The following ARHGAP6 variants were observed in gnomAD, a reference collection of about 807,000 sequenced individuals.
ARHGAP6 encodes Rho GTPase activating protein 6.
Under a neutral mutation model 55.7 loss-of-function variants are expected in ARHGAP6, and 16 were observed. The ratio of observed to expected loss-of-function variants is 0.29; its 90% CI spans 0.19 to 0.44. The LOEUF (loss-of-function observed/expected upper bound fraction) is 0.44, where lower values mean the gene tolerates loss of function less well. Ranked by LOEUF, ARHGAP6 falls within the 20% of genes least tolerant of loss-of-function variation. The pLI, the probability that ARHGAP6 is intolerant of heterozygous loss-of-function variation, is 1.00. For synonymous variants in ARHGAP6, 382 were observed against 360.9 expected, an observed-to-expected ratio of 1.06 and a Z score of -0.66; for missense variants, 698 against 808.9, an observed-to-expected ratio of 0.86 and a Z score of 1.66.
At position 11,657,878 on chromosome X, in the gene ARHGAP6, G is replaced by A. The variant is rs746185682; in HGVS notation, c.588+6363C>T. On this transcript the variant is annotated intron_variant, in intron 1 of 12. Coordinates refer to ENST00000337414, the MANE Select transcript of ARHGAP6 (RefSeq NM_013427.3). ...GTGTGATGGGGATAGGAGGAGCAGG[G>A]AGGGGACGTGGTACTCTCAGTTTTG... Among the ~76,000 whole-genome samples the A allele has an allele frequency of 6.3e-5, 7 of 111,892 alleles. No individual in the cohort carries two copies. The East Asian group carries it at 2.0e-3, about 32-fold the overall frequency.
In ARHGAP6 at chrX:11,423,592, G is replaced by A. The variant is rs143412333; in HGVS notation, c.589-168885C>T. Reference sequence around the variant, plus strand: ...CTAGACCAGTACAAGGAAGGAGAATGAGCAGCTTAGGACCTCAAAAACTAG... The same window carrying A: ...CTAGACCAGTACAAGGAAGGAGAATAAGCAGCTTAGGACCTCAAAAACTAG... On this transcript the variant is annotated intron_variant, in intron 1 of 12. Coordinates refer to ENST00000337414, the MANE Select transcript of ARHGAP6 (RefSeq NM_013427.3). Among the ~76,000 whole-genome samples, 948 of 112,272 alleles carry A rather than the reference G, an allele frequency of 8.4e-3. 4 individuals carry two copies. Among genetic ancestry groups the A allele is most frequent in the Non-Finnish European group, 0.014 (765 of 53,232 alleles).
intron 2 of ARHGAP6, among the ~76,000 whole-genome samples, chrX:11,250,326 C>T (rs2047406619): frequency 8.9e-6 from 1 of 112,051 alleles, no homozygotes; most frequent in South Asian, 3.7e-4. Flanking sequence ...TGAATTACTT[C>T]CTAATTTCCT....
intron 2 of ARHGAP6, among the ~76,000 whole-genome samples, chrX:11,235,408 T>C: frequency 9.0e-6 from 1 of 111,162 alleles, no homozygotes; most frequent in East Asian, 2.9e-4. Context: ...TTTTCCCTCC[T>C]AGGCCTTTGG....
At position 11,188,739 on chromosome X, in the gene ARHGAP6, C is replaced by A. The variant is rs762744681; in HGVS notation, c.1066G>T (p.Ala356Ser). ...SPNTPEPAPR[A>S]RRRGAMSVDS... The stretch of plus-strand genomic sequence containing the variant: ...ACTGGCCACCTCACCCTCCTCCTAG[C>A]CCGAGGAGCCGGTTCCGGGGTGTTT... The change falls in exon 4 of 13, where the codon GCT becomes TCT. Residue 356 changes from alanine (A) to serine (S), a missense_variant. Physicochemically the swap from Ala to Ser is moderately conservative, Grantham distance 99. Around this residue, in one of 3 missense-constraint regions of ARHGAP6, gnomAD observed 322 missense variants for 451.1 expected, o/e 0.71. Transcript: ENST00000337414. 3 of 1,210,443 alleles carry A rather than the reference C, an allele frequency of 2.5e-6. No individual in the cohort carries two copies. The highest frequency in any genetic ancestry group is 3.4e-6 in the Non-Finnish European group (3 of 894,748).
In ARHGAP6 at chrX:11,550,539, C is replaced by T. The variant is rs760936004; in HGVS notation, c.588+113702G>A. Among the ~76,000 whole-genome samples the T allele has an allele frequency of 4.5e-5, 5 of 111,733 alleles. No individual in the cohort carries two copies. In the Admixed American group the frequency reaches 4.8e-4, roughly 11 times the overall value. On this transcript the variant is annotated intron_variant, in intron 1 of 12. Coordinates refer to ENST00000337414, the MANE Select transcript of ARHGAP6 (RefSeq NM_013427.3). Reference sequence around the variant, plus strand: ...TCAGGCATCTTTAGTTTCTAAATCTCCTGAGGTAATTCAATGTCAACCAAG... The same window carrying T: ...TCAGGCATCTTTAGTTTCTAAATCTTCTGAGGTAATTCAATGTCAACCAAG...
chrX:11,142,530 G>C (rs185525870), intron 11 of ARHGAP6: 7 of 177,512 alleles, frequency 3.9e-5, no homozygotes, highest in East Asian at 2.1e-4. Flanking sequence ...CAGAATAAGG[G>C]CCCCCCCAAA....
chrX:11,384,194 G>A (rs757994569), intron 1 of ARHGAP6, among the ~76,000 whole-genome samples: 22 of 111,625 alleles, frequency 2.0e-4, no homozygotes, highest in Non-Finnish European at 2.1e-4. Context: ...ATGTGCCCCC[G>A]GGTAGCCAAG....
Position 11,457,855 on chromosome X carries a change from C to A in ARHGAP6, c.589-203148G>T, listed in dbSNP as rs191280646. Reference sequence around the variant, plus strand: ...CCCACTTTCCCACAGCAGTAACCAACTCATTAACATAGCTTCTATTAGCTT... The same window carrying A: ...CCCACTTTCCCACAGCAGTAACCAAATCATTAACATAGCTTCTATTAGCTT... On this transcript the variant is annotated intron_variant, in intron 1 of 12. Coordinates refer to ENST00000337414, the MANE Select transcript of ARHGAP6 (RefSeq NM_013427.3). Among the ~76,000 whole-genome samples, 253 of 112,340 alleles carry A rather than the reference C, an allele frequency of 2.3e-3. 1 individual carries two copies. The highest frequency in any genetic ancestry group is 7.7e-3 in the African/African-American group (237 of 30,955).
At position 11,138,247 on chromosome X, in the gene ARHGAP6, T is replaced by C. The variant is rs2045571899; in HGVS notation, c.*616A>G. 1 of 112,207 alleles carries C rather than the reference T, an allele frequency of 8.9e-6. No individual in the cohort carries two copies. The highest frequency in any genetic ancestry group is 3.2e-5 in the African/African-American group (1 of 30,776). 9.2% of individuals were successfully genotyped at this position (112,207 alleles called of 1,213,427 possible). A position where few individuals can be genotyped will look rare whatever the true frequency, so the allele number is the denominator to read the frequency against. ...CAATATCTAAAAGCATTCAGTGATT[T>C]TTCTTTTTGTATCTGACTCCTATGT... On this transcript the variant is annotated 3_prime_UTR_variant, in exon 13 of 13. Coordinates refer to ENST00000337414, the MANE Select transcript of ARHGAP6 (RefSeq NM_013427.3).
intron 1 of ARHGAP6, among the ~76,000 whole-genome samples, chrX:11,278,557 T>C (rs2047809528): frequency 8.9e-6 from 1 of 111,933 alleles, no homozygotes; most frequent in South Asian, 3.7e-4. Context: ...ATAATAAATG[T>C]GTATTGTTTC....
intron 1 of ARHGAP6, among the ~76,000 whole-genome samples, chrX:11,261,722 T>C (rs2047564343): frequency 8.9e-6 from 1 of 111,894 alleles, no homozygotes; most frequent in Admixed American, 9.5e-5. Flanking sequence ...GGCAGCAATA[T>C]GATAAAATGA....
At chrX:11,319,569 C>A (rs763904283) in intron 1 of ARHGAP6, among the ~76,000 whole-genome samples, 2 of 112,167 alleles carry the variant, frequency 1.8e-5, no homozygotes, top group African/African-American at 3.2e-5. Flanking sequence ...AATGAACATA[C>A]AGTTACCCGC....
chrX:11,194,249 A>G (rs1311576462), intron 3 of ARHGAP6, among the ~76,000 whole-genome samples: 4 of 112,487 alleles, frequency 3.6e-5, no homozygotes, highest in Non-Finnish European at 7.5e-5. Context: ...TAAATATAAC[A>G]CAATTTATCA....
intron 1 of ARHGAP6, among the ~76,000 whole-genome samples, chrX:11,491,756 A>G (rs1195688635): frequency 9.0e-6 from 1 of 110,544 alleles, no homozygotes; most frequent in Non-Finnish European, 1.9e-5. Context: ...TTCAAATGGT[A>G]TTTCTAGTTC....
At chrX:11,518,462 C>CTT (rs368595944) in intron 1 of ARHGAP6, among the ~76,000 whole-genome samples, 1,297 of 74,883 alleles carry the variant, frequency 0.017, 18 homozygotes, top group Middle Eastern at 0.049. Context: ...TTTTTTTTTT[C>CTT]TTTTTTTTTT....
At chrX:11,230,485 C>T (rs998061753) in intron 2 of ARHGAP6, among the ~76,000 whole-genome samples, 4 of 111,208 alleles carry the variant, frequency 3.6e-5, no homozygotes, top group South Asian at 7.5e-4. Flanking sequence ...CATGAGCCAC[C>T]GCGCCCGGCC....
At chrX:11,451,249 C>G (rs753546987) in intron 1 of ARHGAP6, among the ~76,000 whole-genome samples, 6 of 112,049 alleles carry the variant, frequency 5.4e-5, no homozygotes, top group Non-Finnish European at 1.1e-4. Context: ...TTTTCTTTCT[C>G]TCTCCTTTAT....
chrX:11,162,114 C>T (rs2045954949), intron 9 of ARHGAP6, among the ~76,000 whole-genome samples: 1 of 111,448 alleles, frequency 9.0e-6, no homozygotes, highest in African/African-American at 3.3e-5. Flanking sequence ...GGCAAGATCA[C>T]GTATGCACAT....
intron 1 of ARHGAP6, among the ~76,000 whole-genome samples, chrX:11,454,110 A>ATTTTT (rs1187605203): frequency 2.9e-4 from 22 of 76,803 alleles, no homozygotes; most frequent in Admixed American, 4.8e-4. Flanking sequence ...CGCACGGCTA[A>ATTTTT]TTTTTTTTTT....
Sources: allele counts gnomAD v4.1 joint callset (sites outside exome capture counted in the v4.1 genomes callset), GRCh38; gene constraint gnomAD v4.1.1; regional missense constraint gnomAD v4.1.1; transcripts MANE v1.5; gene names NCBI Gene and HGNC (gene_info 2026-07-23, HGNC 2026-07-21).